CKMT2: variants seen among roughly 807,000 people sequenced by gnomAD.
The protein encoded by CKMT2 is creatine kinase, mitochondrial 2.
In CKMT2, 43 loss-of-function variants were observed where a neutral mutation model predicts 48.9. The ratio of observed to expected loss-of-function variants is 0.88; its 90% CI spans 0.69 to 1.13. CKMT2 has a LOEUF of 1.13. Among genes scored for constraint, CKMT2 ranks in the 50% most tolerant of loss-of-function variants. The pLI, the probability that CKMT2 is intolerant of heterozygous loss-of-function variation, is 0.00. For synonymous variants in CKMT2, 206 were observed against 213.0 expected (o/e 0.97, Z 0.29); for missense variants, 472 against 555.4 (o/e 0.85, Z 1.51).
chr5:81,265,063 A>C (rs1025431817), intron 9 of CKMT2, among the ~76,000 whole-genome samples: 3 of 152,152 alleles, frequency 2.0e-5, no homozygotes, highest in African/African-American at 7.2e-5. Context: ...TCTCTACATA[A>C]TTCTAATCAC....
chr5:81,241,826 A>T (rs1222997421), intron 1 of CKMT2, among the ~76,000 whole-genome samples: 14 of 152,260 alleles, frequency 9.2e-5, no homozygotes, highest in Non-Finnish European at 1.8e-4. Flanking sequence ...CAATAATAAA[A>T]TATTTTCTTT....
At position 81,257,004 on chromosome 5, in the gene CKMT2, T is replaced by C. The variant is rs1328129272; in HGVS notation, c.755+4T>C. 1 of 1,610,382 alleles carries C rather than the reference T, an allele frequency of 6.2e-7. No homozygotes were observed. The highest frequency in any genetic ancestry group is 2.2e-5 in the East Asian group (1 of 44,862). On this transcript the variant is annotated splice_donor_region_variant and intron_variant, in intron 6 of 9. Transcript: ENST00000254035. ...GGCCAGATGCCAGGGGAATCTGGTA[T>C]GGATGCAGCATTTTCACATTTGCAA...
At chr5:81,249,289 G>T (rs1756720641) in intron 1 of CKMT2, among the ~76,000 whole-genome samples, 1 of 151,998 alleles carries the variant, frequency 6.6e-6, no homozygotes, top group African/African-American at 2.4e-5. Flanking sequence ...AACAATGTTG[G>T]CCAGGCTGGT....
intron 2 of CKMT2, among the ~76,000 whole-genome samples, chr5:81,251,537 G>A (rs1205079842): frequency 6.6e-6 from 1 of 152,074 alleles, no homozygotes; most frequent in South Asian, 2.1e-4. Flanking sequence ...GTTGTGAGCC[G>A]AGATCGCGCC....
intron 1 of CKMT2, chr5:81,250,614 T>TG (rs1756771513): frequency 1.3e-5 from 2 of 152,286 alleles, no homozygotes; most frequent in African/African-American, 4.8e-5. Context: ...CCTACTTCAA[T>TG]GGGGGAATCC....
intron 1 of CKMT2, chr5:81,235,682 G>A (rs1053129741): frequency 6.6e-6 from 1 of 152,186 alleles, no homozygotes; most frequent in Non-Finnish European, 1.5e-5. Flanking sequence ...ATTAAGACCA[G>A]GATCTGAACT....
intron 8 of CKMT2, among the ~76,000 whole-genome samples, chr5:81,262,887 G>C (rs1026961428): frequency 1.5e-4 from 23 of 152,178 alleles, no homozygotes; most frequent in Admixed American, 1.4e-3. Context: ...TGTGTTTATT[G>C]AGTCACTGTT....
rs752071376 is a variant in CKMT2 at position 81,266,255 on chromosome 5, G to C, written c.1257G>C (p.Lys419Asn). Residue 419 changes from lysine (K) to asparagine (N), a missense_variant, in exon 10 of 10, where the codon AAG becomes AAC. Physicochemically the swap from Lys to Asn is moderately conservative, Grantham distance 94 (BLOSUM62 0). Transcript: ENST00000254035. ...VPPPLPQFGK[K>N] Reference sequence around the variant, plus strand: ...CCCCTCTGCCTCAGTTTGGCAAAAAGTAAACTTTCCCTTTCCCAATTTATA... The same window carrying C: ...CCCCTCTGCCTCAGTTTGGCAAAAACTAAACTTTCCCTTTCCCAATTTATA... The C allele has an allele frequency of 1.9e-6, 3 of 1,612,728 alleles. No individual in the cohort carries two copies. Among genetic ancestry groups the C allele is most frequent in the Admixed American group, 3.3e-5 (2 of 59,956 alleles).
chr5:81,237,381 T>C (rs1756277785), intron 1 of CKMT2, among the ~76,000 whole-genome samples: 1 of 151,914 alleles, frequency 6.6e-6, no homozygotes, highest in South Asian at 2.1e-4. Flanking sequence ...ATGCCCATGA[T>C]GGGGAGGAGC....
intron 1 of CKMT2, chr5:81,247,011 C>T (rs1756634289): frequency 6.6e-6 from 1 of 152,220 alleles, no homozygotes. Flanking sequence ...TGTGTGCTTC[C>T]TACAAGCTGT....
At chr5:81,237,374 C>T (rs1756277588) in intron 1 of CKMT2, among the ~76,000 whole-genome samples, 1 of 152,038 alleles carries the variant, frequency 6.6e-6, no homozygotes, top group Non-Finnish European at 1.5e-5. Flanking sequence ...CCTCATCATG[C>T]CCATGATGGG....
intron 8 of CKMT2, among the ~76,000 whole-genome samples, chr5:81,260,566 A>G (rs557256074): frequency 1.3e-5 from 2 of 152,370 alleles, no homozygotes; most frequent in South Asian, 4.1e-4. Context: ...ACAAACTACC[A>G]TCAGAGAATA....
At position 81,236,504 on chromosome 5, in the gene CKMT2, T is replaced by A. The variant is rs149983085; in HGVS notation, c.-21+3127T>A. Among the ~76,000 whole-genome samples the A allele has an allele frequency of 4.6e-5, 7 of 152,258 alleles. No individual in the cohort carries two copies. The East Asian group carries it at 1.2e-3, about 25-fold the overall frequency. On this transcript the variant is annotated intron_variant, in intron 1 of 9. Coordinates refer to ENST00000254035, the MANE Select transcript of CKMT2 (RefSeq NM_001099735.2). The stretch of plus-strand genomic sequence containing the variant: ...TTGGCAGGATTGTTACATAGACTGA[T>A]TGTGTTTGTAAGGTCCCTTACATAA...
At chr5:81,261,814 T>C (rs982520824) in intron 8 of CKMT2, among the ~76,000 whole-genome samples, 5 of 151,580 alleles carry the variant, frequency 3.3e-5, no homozygotes. Flanking sequence ...CAAGCTACCA[T>C]TGACTTCACA....
intron 1 of CKMT2, chr5:81,235,687 T>G (rs1246183164): frequency 6.6e-6 from 1 of 152,180 alleles, no homozygotes; most frequent in Non-Finnish European, 1.5e-5. Flanking sequence ...GACCAGGATC[T>G]GAACTCCCAG....
At chr5:81,252,615 G>C in intron 2 of CKMT2, 80 bp from the exon 3 acceptor site, 1 of 1,448,824 alleles carries the variant, frequency 6.9e-7, no homozygotes, top group Non-Finnish European at 9.6e-7. Context: ...CTAGTGGAAG[G>C]ATGGGCAAAC....
At chr5:81,254,513 C>T in intron 4 of CKMT2, 22 bp downstream of exon 4, 1 of 1,605,236 alleles carries the variant, frequency 6.2e-7, no homozygotes, top group East Asian at 2.2e-5. Flanking sequence ...CCTCCCTCTC[C>T]TTCCCCACGA....
At chr5:81,235,104 A>G (rs1215302773) in intron 1 of CKMT2, among the ~76,000 whole-genome samples, 3 of 152,158 alleles carry the variant, frequency 2.0e-5, no homozygotes, top group Non-Finnish European at 4.4e-5. Flanking sequence ...CTTGAAAACA[A>G]TTTACCCTTG....
At chr5:81,258,037 T>TGA in intron 7 of CKMT2, 181 bp downstream of exon 7, 1 of 487,964 alleles carries the variant, frequency 2.0e-6, no homozygotes, top group Non-Finnish European at 3.6e-6. Flanking sequence ...GTAGCTGGGA[T>TGA]TACAGGTGCC....
Sources: gnomAD v4.1 joint callset for allele counts (sites outside exome capture counted in the v4.1 genomes callset) on GRCh38, gnomAD v4.1.1 for gene constraint, MANE v1.5 for transcripts, NCBI Gene and HGNC (gene_info 2026-07-23, HGNC 2026-07-21) for gene names.